Variants in NELL2 observed in about 807,000 individuals in gnomAD.
NELL2 encodes protein kinase C-binding protein NELL2.
A neutral mutation model predicts 109.6 loss-of-function variants in NELL2; 41 were observed. The observed-to-expected ratio is 0.37, with a 90% CI of 0.29 to 0.49. The LOEUF is 0.49. Ranked by LOEUF, NELL2 falls within the 20% of genes least tolerant of loss-of-function variation. The pLI is 0.98. For missense variants in NELL2, 900 were observed against 1,008.3 expected, an observed-to-expected ratio of 0.89 and a Z score of 1.45; for synonymous variants, 355 against 344.7, an observed-to-expected ratio of 1.03 and a Z score of -0.33.
At chr12:44,864,249 C>T (rs2465110) in intron 2 of NELL2, among the ~76,000 whole-genome samples, 118,007 of 151,998 alleles carry the variant, frequency 0.78, 46,414 homozygotes, top group Middle Eastern at 0.94. Flanking sequence ...GGATTAAATC[C>T]TGCTATCAAA....
Position 44,672,126 on chromosome 12 carries a change from C to G in NELL2, c.1319-6517G>C, listed in dbSNP as rs151288650. On this transcript the variant is annotated intron_variant, in intron 12 of 19. Coordinates refer to ENST00000429094, the MANE Select transcript of NELL2 (RefSeq NM_001145108.2). Reference sequence around the variant, plus strand: ...ACAGGACAGTGAGTCCCAGCTGGAGCAAACGTTAATTACATTAGGCAACAT... The same window carrying G: ...ACAGGACAGTGAGTCCCAGCTGGAGGAAACGTTAATTACATTAGGCAACAT... 3.2e-3 allele frequency among the ~76,000 whole-genome samples: 480 copies of G among 152,274 alleles called. 4 individuals are homozygous for G. The highest frequency in any genetic ancestry group is 0.011 in the African/African-American group (453 of 41,550).
upstream of NELL2, among the ~76,000 whole-genome samples, chr12:44,878,438 TG>T (rs1201867814): frequency 6.6e-6 from 1 of 152,226 alleles, no homozygotes; most frequent in Non-Finnish European, 1.5e-5. Context: ...TTTCTCAACC[TG>T]GGCAGGAGTT....
chr12:44,553,555 A>T (rs1218801945), intron 15 of NELL2, among the ~76,000 whole-genome samples: 1 of 152,192 alleles, frequency 6.6e-6, no homozygotes, highest in African/African-American at 2.4e-5. Flanking sequence ...TAAATTTTAA[A>T]AAGGTCAAAT....
At chr12:44,651,391 G>A (rs142623447) in intron 13 of NELL2, among the ~76,000 whole-genome samples, 171 of 152,222 alleles carry the variant, frequency 1.1e-3, no homozygotes, top group African/African-American at 1.7e-3. Context: ...AATCTTGTGC[G>A]TCTGTTGATC....
At chr12:44,591,024 A>G (rs545904013) in intron 15 of NELL2, among the ~76,000 whole-genome samples, 1 of 152,292 alleles carries the variant, frequency 6.6e-6, no homozygotes, top group South Asian at 2.1e-4. Flanking sequence ...ACATGAAGAA[A>G]TGTTCAACAT....
chr12:44,832,002 C>A (rs1943903199), intron 2 of NELL2, among the ~76,000 whole-genome samples: 2 of 152,200 alleles, frequency 1.3e-5, no homozygotes, highest in South Asian at 4.1e-4. Context: ...CCCCGTGGGT[C>A]TCATTCTGTA....
rs1945312365 is a variant in NELL2, at chr12:44,876,105, C to A, written c.-236G>T. 4 of 1,326,510 alleles carry A rather than the reference C, an allele frequency of 3.0e-6. No homozygotes were observed. Among genetic ancestry groups the A allele is most frequent in the East Asian group, 2.9e-5 (1 of 34,644 alleles). 82.2% of individuals were successfully genotyped at this position (1,326,510 alleles called of 1,614,324 possible). A position where few individuals can be genotyped will look rare whatever the true frequency, so the allele number is the denominator to read the frequency against. ...ATCATTCCCACACGCAGGGCCGAGGCGGCAGCGCGGCCCGGAGGGGGCCCG... is the reference window on the plus strand; with the variant it reads ...ATCATTCCCACACGCAGGGCCGAGGAGGCAGCGCGGCCCGGAGGGGGCCCG... On this transcript the variant is annotated 5_prime_UTR_variant, in exon 1 of 20. Transcript: ENST00000429094.
intron 15 of NELL2, among the ~76,000 whole-genome samples, chr12:44,569,253 T>C (rs944439984): frequency 1.3e-5 from 2 of 152,188 alleles, no homozygotes; most frequent in Admixed American, 6.6e-5. Flanking sequence ...ATAATATATA[T>C]GTACCACATT....
intron 12 of NELL2, among the ~76,000 whole-genome samples, chr12:44,687,129 C>T (rs769909212): frequency 2.6e-5 from 4 of 152,192 alleles, no homozygotes; most frequent in Admixed American, 6.5e-5. Flanking sequence ...TTAAGCCCGT[C>T]GGAAATGCGC....
chr12:44,650,644 A>G (rs1947268255), intron 13 of NELL2, among the ~76,000 whole-genome samples: 1 of 152,144 alleles, frequency 6.6e-6, no homozygotes, highest in Admixed American at 6.5e-5. Context: ...GGCTGTATTT[A>G]GAGATGGGGC....
At chr12:44,874,547 A>G (rs1672593788) in intron 2 of NELL2, among the ~76,000 whole-genome samples, 1 of 152,210 alleles carries the variant, frequency 6.6e-6, no homozygotes, top group African/African-American at 2.4e-5. Context: ...GCCAATATCC[A>G]TTGACTTCAA....
chr12:44,744,476 C>A (rs141376702), intron 9 of NELL2, among the ~76,000 whole-genome samples: 1 of 152,004 alleles, frequency 6.6e-6, no homozygotes, highest in East Asian at 1.9e-4. Flanking sequence ...GAAATAGAGA[C>A]ACAAAAAACC....
At chr12:44,846,191 T>C (rs568386596) in intron 2 of NELL2, among the ~76,000 whole-genome samples, 1 of 152,332 alleles carries the variant, frequency 6.6e-6, no homozygotes, top group African/African-American at 2.4e-5. Context: ...AATGTTCACA[T>C]AGCATCTGTG....
intron 9 of NELL2, among the ~76,000 whole-genome samples, chr12:44,765,962 G>T (rs1941314937): frequency 6.6e-6 from 1 of 151,918 alleles, no homozygotes; most frequent in African/African-American, 2.4e-5. Flanking sequence ...TCTACTAAAA[G>T]TACATAAATT....
intron 2 of NELL2, among the ~76,000 whole-genome samples, chr12:44,872,722 AC>A (rs1372381763): frequency 6.6e-6 from 1 of 152,220 alleles, no homozygotes; most frequent in African/African-American, 2.4e-5. Context: ...ATCTGATAGC[AC>A]AAAGAAACTT....
At chr12:44,846,100 C>T (rs1944360713) in intron 2 of NELL2, among the ~76,000 whole-genome samples, 1 of 152,192 alleles carries the variant, frequency 6.6e-6, no homozygotes, top group Non-Finnish European at 1.5e-5. Flanking sequence ...GATTGGAGTA[C>T]ATCCCTTGAA....
intron 9 of NELL2, among the ~76,000 whole-genome samples, chr12:44,747,860 C>T (rs1011227169): frequency 6.6e-6 from 1 of 152,094 alleles, no homozygotes. Context: ...TTAGACTTTC[C>T]TTTGGTATAG....
At chr12:44,549,318 G>A (rs1370662480) in intron 15 of NELL2, among the ~76,000 whole-genome samples, 3 of 152,148 alleles carry the variant, frequency 2.0e-5, no homozygotes, top group Non-Finnish European at 2.9e-5. Flanking sequence ...GAAAGCAGAT[G>A]TGGCACTGCC....
chr12:44,623,859 C>T (rs2136275350), intron 13 of NELL2, among the ~76,000 whole-genome samples: 1 of 152,136 alleles, frequency 6.6e-6, no homozygotes, highest in Middle Eastern at 3.4e-3. Context: ...AGCTGGAAAC[C>T]ATCATTCTCT....
Sources: allele counts gnomAD v4.1 joint callset (sites outside exome capture counted in the v4.1 genomes callset), GRCh38; gene constraint gnomAD v4.1.1; transcripts MANE v1.5; gene names NCBI Gene and HGNC (gene_info 2026-07-23, HGNC 2026-07-21).